The following C13orf42 variants were observed in gnomAD, a reference collection of about 807,000 sequenced individuals.
The protein encoded by C13orf42 is uncharacterized protein C13orf42.
intron 1 of C13orf42, among the ~76,000 whole-genome samples, chr13:51,097,726 G>T (rs186560773): frequency 6.6e-6 from 1 of 151,198 alleles, no homozygotes; most frequent in African/African-American, 2.4e-5. Context: ...AGCAAAAGTG[G>T]ATTGCTTCCC....
rs538959741 is a variant in C13orf42 at position 51,152,418 on chromosome 13, G to A, written n.136+19835C>T. On this transcript the variant is annotated intron_variant and non_coding_transcript_variant, in intron 1 of 4. Transcript: ENST00000433280. The stretch of plus-strand genomic sequence containing the variant: ...GCTGAAGTGCAGTGGCACGAACCTG[G>A]CTCACTGCAGCCCTGACCTCCTGGG... Among the ~76,000 whole-genome samples, 279 of 152,288 alleles carry A rather than the reference G, an allele frequency of 1.8e-3. 1 individual carries two copies. The highest frequency in any genetic ancestry group is 2.7e-3 in the South Asian group (13 of 4,824).
intron 1 of C13orf42, among the ~76,000 whole-genome samples, chr13:51,109,385 A>AT (rs1953400629): frequency 6.6e-6 from 1 of 152,196 alleles, no homozygotes. Context: ...CAAACATCTC[A>AT]TCTGGTCATC....
At chr13:51,099,376 C>G (rs902407445) in intron 1 of C13orf42, among the ~76,000 whole-genome samples, 3 of 151,914 alleles carry the variant, frequency 2.0e-5, no homozygotes, top group Non-Finnish European at 2.9e-5. Context: ...AATAGATGAG[C>G]TAAATAGTCA....
At chr13:51,109,443 G>A (rs1953401709) in intron 1 of C13orf42, among the ~76,000 whole-genome samples, 1 of 152,070 alleles carries the variant, frequency 6.6e-6, no homozygotes. Context: ...TTAACCTACG[G>A]GCATTAGAAA....
chr13:51,136,990 G>A (rs1953662468), intron 1 of C13orf42, among the ~76,000 whole-genome samples: 1 of 152,162 alleles, frequency 6.6e-6, no homozygotes. Flanking sequence ...TCAGGGACAT[G>A]TTGTGACAGC....
intron 1 of C13orf42, among the ~76,000 whole-genome samples, chr13:51,167,998 T>G (rs1197120512): frequency 6.6e-6 from 1 of 152,222 alleles, no homozygotes; most frequent in Non-Finnish European, 1.5e-5. Context: ...GAAGATGAAA[T>G]TCCCATGAGC....
rs144097579 is a variant in C13orf42 at position 51,083,440 on chromosome 13, A to G, written c.*711T>C. 1 of 152,352 alleles carries G rather than the reference A, an allele frequency of 6.6e-6. No homozygotes were observed. The highest frequency in any genetic ancestry group is 2.4e-5 in the African/African-American group (1 of 41,576). 9.4% of individuals were successfully genotyped at this position (152,352 alleles called of 1,614,324 possible). A position where few individuals can be genotyped will look rare whatever the true frequency, so the allele number is the denominator to read the frequency against. ...TCTGGGTAAGAATTAGAAGAAAAAG[A>G]AAAGAATCACCCCATCTCCCTTCTT... On this transcript the variant is annotated 3_prime_UTR_variant, in exon 4 of 4. Transcript: ENST00000563710.
chr13:51,155,591 C>T (rs758842408), intron 1 of C13orf42, among the ~76,000 whole-genome samples: 2 of 152,236 alleles, frequency 1.3e-5, no homozygotes, highest in Non-Finnish European at 2.9e-5. Flanking sequence ...CCACCTCTCT[C>T]AATCTCTGCT....
rs116831686 is a variant in C13orf42 at position 51,155,082 on chromosome 13, C to T, written n.136+17171G>A. Among the ~76,000 whole-genome samples, 289 of 152,270 alleles carry T rather than the reference C, an allele frequency of 1.9e-3. 1 individual carries two copies. The highest frequency in any genetic ancestry group is 6.6e-3 in the African/African-American group (276 of 41,534). ...CCTCAAACCCTCAATTCTTAACTAT[C>T]TCCTGGATGATGCTCAATTTAAAAA... On this transcript the variant is annotated intron_variant and non_coding_transcript_variant, in intron 1 of 4. Coordinates refer to the C13orf42 transcript ENST00000433280.
intron 1 of C13orf42, among the ~76,000 whole-genome samples, chr13:51,150,121 A>G (rs568969266): frequency 6.6e-6 from 1 of 152,378 alleles, no homozygotes; most frequent in Admixed American, 6.5e-5. Flanking sequence ...CACAAGAATT[A>G]TGGACAAAAT....
intron 1 of C13orf42, among the ~76,000 whole-genome samples, chr13:51,167,954 C>A (rs1327524414): frequency 6.6e-6 from 1 of 152,182 alleles, no homozygotes; most frequent in Non-Finnish European, 1.5e-5. Context: ...CTTAAGCTAT[C>A]CAGCTGCTGC....
intron 1 of C13orf42, among the ~76,000 whole-genome samples, chr13:51,167,317 G>C (rs1953911161): frequency 6.6e-6 from 1 of 152,124 alleles, no homozygotes; most frequent in Non-Finnish European, 1.5e-5. Flanking sequence ...GAGGGGAAGA[G>C]GAAGGGAGAG....
intron 1 of C13orf42, among the ~76,000 whole-genome samples, chr13:51,119,509 C>T (rs1953516746): frequency 6.6e-6 from 1 of 152,114 alleles, no homozygotes; most frequent in Non-Finnish European, 1.5e-5. Flanking sequence ...AACCCAAATG[C>T]CCATCAACAG....
In C13orf42 at chr13:51,088,603, T is replaced by C. The variant is rs1044156973; in HGVS notation, c.415-528A>G. Among the ~76,000 whole-genome samples, 4 of 152,206 alleles carry C rather than the reference T, an allele frequency of 2.6e-5. No individual in the cohort carries two copies. In the East Asian group the frequency reaches 7.7e-4, roughly 29 times the overall value. Reference sequence around the variant, plus strand: ...TGCTTGAGGGGATGGATACCATGTTTTCCATGATGTGATTATTTCACATTG... The same window carrying C: ...TGCTTGAGGGGATGGATACCATGTTCTCCATGATGTGATTATTTCACATTG... On this transcript the variant is annotated intron_variant, in intron 1 of 3. Transcript: ENST00000563710.
At chr13:51,171,518 C>G (rs1953951592) in intron 1 of C13orf42, among the ~76,000 whole-genome samples, 1 of 152,118 alleles carries the variant, frequency 6.6e-6, no homozygotes, top group Non-Finnish European at 1.5e-5. Context: ...TCTACAGACC[C>G]ATCTGACCTC....
chr13:51,159,923 G>A (rs986552649), intron 1 of C13orf42, among the ~76,000 whole-genome samples: 3 of 152,182 alleles, frequency 2.0e-5, no homozygotes, highest in African/African-American at 7.2e-5. Context: ...ATGGCGGAGG[G>A]TGAAAGATAC....
intron 1 of C13orf42, among the ~76,000 whole-genome samples, chr13:51,165,938 A>C (rs1953899029): frequency 6.6e-6 from 1 of 152,246 alleles, no homozygotes; most frequent in Admixed American, 6.5e-5. Flanking sequence ...ACCATTAAAC[A>C]AGTACCAAGA....
intron 1 of C13orf42, among the ~76,000 whole-genome samples, chr13:51,109,322 G>A (rs1362955050): frequency 2.0e-5 from 3 of 152,184 alleles, no homozygotes; most frequent in East Asian, 1.9e-4. Context: ...GAGTTTGCAC[G>A]GCCTACAGGA....
intron 1 of C13orf42, among the ~76,000 whole-genome samples, chr13:51,132,774 G>A (rs981915535): frequency 6.6e-5 from 10 of 152,088 alleles, no homozygotes; most frequent in Non-Finnish European, 1.5e-4. Context: ...GAGACCTGCT[G>A]GGCCACGTTC....
Sources: allele counts gnomAD v4.1 joint callset (sites outside exome capture counted in the v4.1 genomes callset), GRCh38; gene constraint gnomAD v4.1.1; transcripts MANE v1.5; gene names NCBI Gene and HGNC (gene_info 2026-07-23, HGNC 2026-07-21).